The following SLC41A1 variants were observed in gnomAD, a reference collection of about 807,000 sequenced individuals.
The protein encoded by SLC41A1 is solute carrier family 41 member 1.
Under a neutral mutation model 47.3 loss-of-function variants are expected in SLC41A1, and 20 were observed. The observed-to-expected ratio is 0.42, with a 90% CI of 0.30 to 0.61. SLC41A1 has a LOEUF of 0.61. SLC41A1 is among the 20% of genes least tolerant of loss of function. The pLI, the probability that SLC41A1 is intolerant of heterozygous loss-of-function variation, is 0.17. For synonymous variants in SLC41A1, 282 were observed against 272.7 expected (o/e 1.03, Z -0.34); for missense variants, 504 against 674.1 (o/e 0.75, Z 2.79).
At chr1:205,803,632 CTTTTTTT>C (rs140199204) in intron 2 of SLC41A1, among the ~76,000 whole-genome samples, 2 of 121,028 alleles carry the variant, frequency 1.7e-5, no homozygotes, top group Admixed American at 8.3e-5. Flanking sequence ...TAGTCAAATT[CTTTTTTT>C]TTTTTTTTTT....
chr1:205,791,709 G>T lies in SLC41A1; in HGVS notation c.1366C>A (p.Leu456Ile). 7 of 1,613,694 alleles carry T rather than the reference G, an allele frequency of 4.3e-6. No individual in the cohort carries two copies. Among genetic ancestry groups the T allele is most frequent in the Non-Finnish European group, 5.9e-6 (7 of 1,180,016 alleles). Residue 456 changes from leucine (L) to isoleucine (I), a missense_variant, in exon 11 of 11, where the codon CTC (leucine) becomes ATC (isoleucine). Around this residue, in one of 2 missense-constraint regions of SLC41A1, gnomAD observed 421 missense variants for 601.6 expected, o/e 0.70. Transcript: ENST00000367137. This position sits in a 1 kb window ranked among gnomAD's most constrained non-coding sequence, Gnocchi z 4.0. ...ACCATCCAGTCTGCGATGTACAGGA[G>T]AATCAGCACCTGGGGAGACAAAAGG... is the stretch of plus-strand genomic sequence containing the variant. ...MTAALLQVLI[L>I]LYIADWMVHW...
chr1:205,807,311 G>A (rs1261536825), intron 2 of SLC41A1, among the ~76,000 whole-genome samples: 2 of 152,288 alleles, frequency 1.3e-5, no homozygotes, highest in South Asian at 2.1e-4. Flanking sequence ...GCTGGGGGAG[G>A]AGGACATGGA....
intron 8 of SLC41A1, chr1:205,795,757 G>A: frequency 1.9e-6 from 1 of 530,438 alleles, no homozygotes; most frequent in Non-Finnish European, 3.4e-6. Flanking sequence ...AGCTGTGACA[G>A]TGCCGGAAAG....
chr1:205,796,714 A>C (rs1335493088), intron 8 of SLC41A1: 7 of 607,684 alleles, frequency 1.2e-5, no homozygotes, highest in Non-Finnish European at 2.1e-5. Context: ...CATTGCTGCT[A>C]ATCTCTCGGT....
intron 10 of SLC41A1, among the ~76,000 whole-genome samples, chr1:205,792,901 T>G (rs150493692): frequency 1.3e-5 from 2 of 152,168 alleles, no homozygotes; most frequent in Non-Finnish European, 2.9e-5. Context: ...AACTGATACC[T>G]ATTTTTAGGC....
rs1372458230 is a variant in SLC41A1, at chr1:205,810,272, G to A, written c.170C>T (p.Ala57Val). The A allele has an allele frequency of 1.2e-6, 2 of 1,614,012 alleles. No homozygotes were observed. The highest frequency in any genetic ancestry group is 4.5e-5 in the East Asian group (2 of 44,874). Residue 57 changes from alanine (A) to valine (V), a missense_variant, in exon 2 of 11, where the codon GCC becomes GTC. Ala to Val is a moderately conservative substitution (Grantham distance 64). Coordinates refer to ENST00000367137, the MANE Select transcript of SLC41A1 (RefSeq NM_173854.6). This position sits in a 1 kb window ranked among gnomAD's most constrained non-coding sequence, Gnocchi z 5.5. Reference protein sequence around the residue: ...VEVVIESRANAKGVREEDALL... With the variant: ...VEVVIESRANVKGVREEDALL... ...GGCGTCCTCCTCCCGAACCCCCTTG[G>A]CGTTGGCCCGAGACTCAATCACCAC...
intron 2 of SLC41A1, among the ~76,000 whole-genome samples, chr1:205,806,005 C>T (rs972022272): frequency 6.6e-6 from 1 of 152,200 alleles, no homozygotes; most frequent in African/African-American, 2.4e-5. Flanking sequence ...AGAATCTGGG[C>T]TCCTGTGGGA....
Position 205,808,930 on chromosome 1 carries a change from C to T in SLC41A1, c.372+1140G>A, listed in dbSNP as rs559464275. On this transcript the variant is annotated intron_variant, in intron 2 of 10. Coordinates refer to ENST00000367137, the MANE Select transcript of SLC41A1 (RefSeq NM_173854.6). ...GGCATGGTGAGACCTACCAGCAGAA[C>T]TCTATATCACTATGGTCTGTAGGGT... Among the ~76,000 whole-genome samples the T allele has an allele frequency of 6.8e-4, 104 of 152,360 alleles. 1 individual carries two copies. The highest frequency in any genetic ancestry group is 2.4e-3 in the African/African-American group (99 of 41,588).
intron 10 of SLC41A1, among the ~76,000 whole-genome samples, chr1:205,793,004 A>C (rs1655659480): frequency 6.6e-6 from 1 of 152,044 alleles, no homozygotes; most frequent in Admixed American, 6.6e-5. Context: ...AGGAAGCCAG[A>C]GATGACTCTT....
intron 4 of SLC41A1, 133 bp from the exon 5 acceptor site, chr1:205,799,234 C>T (rs1023907959): frequency 2.5e-6 from 3 of 1,207,410 alleles, no homozygotes; most frequent in Admixed American, 4.1e-5. Context: ...ATGGTCCAGT[C>T]CTCCCAGGCT....
At chr1:205,808,549 C>T (rs1219381523) in intron 2 of SLC41A1, among the ~76,000 whole-genome samples, 2 of 152,184 alleles carry the variant, frequency 1.3e-5, no homozygotes, top group African/African-American at 4.8e-5. Flanking sequence ...AACCAGAATG[C>T]AACAACTTCA....
chr1:205,795,490 C>A lies in SLC41A1; in HGVS notation c.1073-12G>T, dbSNP rs1452775877. The A allele has an allele frequency of 6.2e-7, 1 of 1,614,052 alleles. No homozygotes were observed. The highest frequency in any genetic ancestry group is 1.7e-5 in the Admixed American group (1 of 60,000). On this transcript the variant is annotated splice_polypyrimidine_tract_variant and intron_variant, in intron 8 of 10. Transcript: ENST00000367137. ...ATTGCCCCCAACACCTGCAGAGACA[C>A]ATACGGGCTTAGACACAGACAGAGG...
At chr1:205,807,805 T>C (rs1656050341) in intron 2 of SLC41A1, among the ~76,000 whole-genome samples, 1 of 150,342 alleles carries the variant, frequency 6.7e-6, no homozygotes, top group Non-Finnish European at 1.5e-5. Context: ...TATACGAGAA[T>C]GCCACCATGC....
At chr1:205,792,582 A>C (rs1250379115) in intron 10 of SLC41A1, among the ~76,000 whole-genome samples, 1 of 152,144 alleles carries the variant, frequency 6.6e-6, no homozygotes, top group African/African-American at 2.4e-5. Context: ...AAATCTCTGG[A>C]CCTCTTGAGT....
At chr1:205,794,794 C>T (rs1034385827) in intron 10 of SLC41A1, 76 bp downstream of exon 10, 3 of 1,593,410 alleles carry the variant, frequency 1.9e-6, no homozygotes, top group Admixed American at 3.4e-5. Flanking sequence ...GTCTAAGAGG[C>T]CAAGTCTGGC....
Position 205,799,709 on chromosome 1 carries a change from C to T in SLC41A1, c.552+50G>A, listed in dbSNP as rs200287002. ...GGCTGACCTAAGCCTTTCAGAGATTCCTGACTAAGGGGAAGCTTAGCCCAC... is the reference window on the plus strand; with the variant it reads ...GGCTGACCTAAGCCTTTCAGAGATTTCTGACTAAGGGGAAGCTTAGCCCAC... On this transcript the variant is annotated intron_variant, in intron 4 of 10. Transcript: ENST00000367137. 1.8e-5 allele frequency: 28 copies of T among 1,594,224 alleles called. No homozygotes were observed. The East Asian group carries it at 5.4e-4, about 31-fold the overall frequency.
At chr1:205,802,719 A>AAAAATAAAATAAAATAAAATAAAAT (rs60350796) in intron 2 of SLC41A1, among the ~76,000 whole-genome samples, 6,214 of 133,324 alleles carry the variant, frequency 0.047, 299 homozygotes, top group East Asian at 0.11. Context: ...ACTCTGTCTC[A>AAAAATAAAATAAAATAAAATAAAAT]AAAATAAAAT....
At position 205,810,076 on chromosome 1, in the gene SLC41A1, G is replaced by C. The variant is rs140750630; in HGVS notation, c.366C>G (p.Ile122Met). The change falls in exon 2 of 11, where the codon ATC (isoleucine) becomes ATG (methionine). Residue 122 changes from isoleucine (I) to methionine (M), a missense_variant. Physicochemically the swap from Ile to Met is conservative, Grantham distance 10 (BLOSUM62 1). Coordinates refer to ENST00000367137, the MANE Select transcript of SLC41A1 (RefSeq NM_173854.6). This position sits in a 1 kb window ranked among gnomAD's most constrained non-coding sequence, Gnocchi z 5.5. The part of the protein sequence containing the change: ...GTVAAGMVLD[I>M]VQHWEVFQKV... ...TGCCCTACTCAGGTCCTACCTGCAC[G>C]ATGTCCAACACCATGCCAGCAGCCA... The C allele has an allele frequency of 5.0e-6, 8 of 1,614,170 alleles. No individual in the cohort carries two copies. In the Admixed American group the frequency reaches 1.3e-4, roughly 27 times the overall value.
At chr1:205,793,406 C>T (rs935593720) in intron 10 of SLC41A1, among the ~76,000 whole-genome samples, 1 of 152,204 alleles carries the variant, frequency 6.6e-6, no homozygotes, top group African/African-American at 2.4e-5. Flanking sequence ...AAAACCTCCA[C>T]CACAGACCCC....
Sources: allele counts gnomAD v4.1 joint callset (sites outside exome capture counted in the v4.1 genomes callset), GRCh38; gene constraint gnomAD v4.1.1; regional missense constraint gnomAD v4.1.1; non-coding constraint Gnocchi (gnomAD v3.1); transcripts MANE v1.5; gene names NCBI Gene and HGNC (gene_info 2026-07-23, HGNC 2026-07-21).